NCAM2: variants seen among roughly 807,000 people sequenced by gnomAD.
NCAM2 encodes N-CAM-2.
Under a neutral mutation model 98.1 loss-of-function variants are expected in NCAM2, and 30 were observed. The ratio of observed to expected loss-of-function variants is 0.31; its 90% CI spans 0.23 to 0.41. The LOEUF is 0.41. NCAM2 is among the 10% of genes least tolerant of loss of function. The pLI is 1.00. For missense variants in NCAM2, 867 were observed against 1,005.8 expected (o/e 0.86, Z 1.87); for synonymous variants, 368 against 342.4 (o/e 1.07, Z -0.83).
At chr21:21,123,152 TG>T (rs1252660308) in intron 1 of NCAM2, among the ~76,000 whole-genome samples, 1 of 24,416 alleles carries the variant, frequency 4.1e-5, no homozygotes, top group East Asian at 1.3e-3. Context: ...CCCAGCACTT[TG>T]GAAGGCTGAT....
intron 8 of NCAM2, among the ~76,000 whole-genome samples, chr21:21,359,310 G>T (rs1451584399): frequency 6.6e-6 from 1 of 151,922 alleles, no homozygotes; most frequent in East Asian, 1.9e-4. Context: ...AGGCCTGTTA[G>T]AAATCTTCCT....
intron 1 of NCAM2, among the ~76,000 whole-genome samples, chr21:21,223,980 C>T (rs1488716582): frequency 6.6e-6 from 1 of 152,146 alleles, no homozygotes; most frequent in African/African-American, 2.4e-5. Flanking sequence ...TCACGGAACA[C>T]AGTGCATGGC....
At chr21:21,380,307 AT>A (rs1380456574) in intron 9 of NCAM2, among the ~76,000 whole-genome samples, 1 of 152,062 alleles carries the variant, frequency 6.6e-6, no homozygotes, top group Non-Finnish European at 1.5e-5. Context: ...ACTGTGAACT[AT>A]TTTTTCTCTC....
chr21:21,458,508 C>T (rs1334447110), intron 12 of NCAM2, among the ~76,000 whole-genome samples: 1 of 152,170 alleles, frequency 6.6e-6, no homozygotes, highest in African/African-American at 2.4e-5. Flanking sequence ...GTGGAGCCTT[C>T]TTAGCCTTGG....
At chr21:21,493,106 G>T (rs951960139) in intron 15 of NCAM2, among the ~76,000 whole-genome samples, 2 of 151,802 alleles carry the variant, frequency 1.3e-5, no homozygotes, top group Non-Finnish European at 2.9e-5. Context: ...CTGTCAAATG[G>T]CTCAGTCGTG....
At chr21:21,326,463 T>A (rs568476584) in intron 6 of NCAM2, among the ~76,000 whole-genome samples, 76 of 152,280 alleles carry the variant, frequency 5.0e-4, no homozygotes, top group African/African-American at 1.8e-3. Flanking sequence ...AAATAACAGC[T>A]TACCAATTAC....
chr21:21,176,137 G>T (rs1476657795), intron 1 of NCAM2, among the ~76,000 whole-genome samples: 2 of 152,126 alleles, frequency 1.3e-5, no homozygotes, highest in Non-Finnish European at 2.9e-5. Context: ...GACAAACTGG[G>T]CTCTTTCAGT....
chr21:21,194,741 A>AT (rs895209681), intron 1 of NCAM2, among the ~76,000 whole-genome samples: 17 of 152,074 alleles, frequency 1.1e-4, no homozygotes, highest in African/African-American at 3.9e-4. Flanking sequence ...TAAAATATCC[A>AT]TTTTTTCAAG....
chr21:21,255,409 T>C (rs2071630320), intron 1 of NCAM2, among the ~76,000 whole-genome samples: 1 of 152,226 alleles, frequency 6.6e-6, no homozygotes. Context: ...ATCTCTAAGC[T>C]GTCTCTGCTC....
At chr21:21,309,222 A>G (rs1168840362) in intron 5 of NCAM2, among the ~76,000 whole-genome samples, 3 of 152,092 alleles carry the variant, frequency 2.0e-5, no homozygotes, top group Non-Finnish European at 4.4e-5. Flanking sequence ...TTTCATAATA[A>G]TTTTAGCATG....
intron 1 of NCAM2, among the ~76,000 whole-genome samples, chr21:21,080,969 G>T (rs1341876143): frequency 1.3e-5 from 2 of 152,038 alleles, no homozygotes; most frequent in Non-Finnish European, 2.9e-5. Context: ...TTAGAAGAGG[G>T]CCAAGCAGGC....
intron 11 of NCAM2, 92 bp downstream of exon 11, chr21:21,418,661 G>A: frequency 2.1e-6 from 2 of 930,846 alleles, no homozygotes; most frequent in Admixed American, 1.8e-5. Flanking sequence ...ATTTACATGT[G>A]GGATTTAAAA....
intron 1 of NCAM2, among the ~76,000 whole-genome samples, chr21:21,219,356 C>T (rs2070040477): frequency 6.6e-6 from 1 of 152,146 alleles, no homozygotes; most frequent in Non-Finnish European, 1.5e-5. Flanking sequence ...TTAAGTACAA[C>T]TTAAATTGTT....
rs1187185157 is a variant in NCAM2 at position 21,385,659 on chromosome 21, A to G, written c.1195+11646A>G. 2.3e-6 allele frequency: 3 copies of G among 1,286,796 alleles called. No individual in the cohort carries two copies. In the African/African-American group the frequency reaches 4.6e-5, roughly 20 times the overall value. 79.7% of individuals were successfully genotyped at this position (1,286,796 alleles called of 1,614,324 possible). On this transcript the variant is annotated intron_variant, in intron 9 of 17. Transcript: ENST00000400546. Reference sequence around the variant, plus strand: ...TCATTTTCAACATTTCCGAGGCGTTACTTTACTAAGAAGCAGGAATTGAAC... The same window carrying G: ...TCATTTTCAACATTTCCGAGGCGTTGCTTTACTAAGAAGCAGGAATTGAAC...
intron 6 of NCAM2, among the ~76,000 whole-genome samples, chr21:21,333,909 A>G (rs1308833589): frequency 6.6e-6 from 1 of 152,106 alleles, no homozygotes; most frequent in African/African-American, 2.4e-5. Context: ...TAAAGATTGC[A>G]TTAGTAATAA....
chr21:21,102,002 T>C (rs2066252208), intron 1 of NCAM2, among the ~76,000 whole-genome samples: 1 of 152,058 alleles, frequency 6.6e-6, no homozygotes, highest in Non-Finnish European at 1.5e-5. Context: ...TAGGAGTAGC[T>C]TGTGTCACCT....
intron 8 of NCAM2, among the ~76,000 whole-genome samples, chr21:21,354,683 G>A (rs1212035690): frequency 1.3e-5 from 2 of 152,218 alleles, no homozygotes; most frequent in Admixed American, 1.3e-4. Flanking sequence ...GTTTAAAGAT[G>A]TTGTAATTAG....
intron 1 of NCAM2, among the ~76,000 whole-genome samples, chr21:21,187,461 AC>A (rs979510000): frequency 5.9e-5 from 9 of 151,558 alleles, no homozygotes; most frequent in African/African-American, 1.7e-4. Flanking sequence ...AACAACAACA[AC>A]AAAAAAGGGA....
chr21:21,329,224 G>T (rs1342022650), intron 6 of NCAM2, among the ~76,000 whole-genome samples: 1 of 152,088 alleles, frequency 6.6e-6, no homozygotes, highest in Non-Finnish European at 1.5e-5. Flanking sequence ...TAAGATTACA[G>T]GTGTGAGCCA....
Sources: gnomAD v4.1 joint callset for allele counts (sites outside exome capture counted in the v4.1 genomes callset) on GRCh38, gnomAD v4.1.1 for gene constraint, MANE v1.5 for transcripts, NCBI Gene and HGNC (gene_info 2026-07-23, HGNC 2026-07-21) for gene names.